The following ARHGAP20 variants were observed in gnomAD, a reference collection of about 807,000 sequenced individuals.
The protein encoded by ARHGAP20 is rho GTPase-activating protein 20.
In ARHGAP20, 34 loss-of-function variants were observed where a neutral mutation model predicts 73.7. That is an observed-to-expected ratio of 0.46 (90% confidence interval 0.35 to 0.61). The LOEUF is 0.61. Ranked by LOEUF, ARHGAP20 falls within the 20% of genes least tolerant of loss-of-function variation. The probability of loss-of-function intolerance (pLI) is 0.00; values close to 1 mark genes in which losing one functional copy is unlikely to be tolerated. For missense variants in ARHGAP20, 1,314 were observed against 1,420.9 expected, an observed-to-expected ratio of 0.92 and a Z score of 1.21; for synonymous variants, 523 against 518.2, an observed-to-expected ratio of 1.01 and a Z score of -0.13.
At chr11:110,592,846 G>A (rs930165351) in intron 9 of ARHGAP20, among the ~76,000 whole-genome samples, 9 of 152,240 alleles carry the variant, frequency 5.9e-5, no homozygotes, top group Middle Eastern at 3.4e-3. Flanking sequence ...AGACTTTTAT[G>A]TTTCTTTTCA....
intron 2 of ARHGAP20, among the ~76,000 whole-genome samples, chr11:110,684,507 T>C (rs1185667706): frequency 2.0e-5 from 3 of 152,128 alleles, no homozygotes; most frequent in Admixed American, 1.3e-4. Flanking sequence ...AAAAATAGTA[T>C]GGCAAATTTT....
At chr11:110,682,715 T>C (rs80355113) in intron 2 of ARHGAP20, among the ~76,000 whole-genome samples, 2,581 of 152,260 alleles carry the variant, frequency 0.017, 54 homozygotes, top group African/African-American at 0.046. Flanking sequence ...AAAAATTATA[T>C]ATCTATACAT....
intron 3 of ARHGAP20, among the ~76,000 whole-genome samples, chr11:110,630,280 C>A (rs1225320347): frequency 6.6e-6 from 1 of 152,124 alleles, no homozygotes; most frequent in Non-Finnish European, 1.5e-5. Context: ...ACCCTATTTT[C>A]TTCATAGTAC....
chr11:110,628,840 G>T (rs918139245), intron 3 of ARHGAP20, among the ~76,000 whole-genome samples: 1 of 152,050 alleles, frequency 6.6e-6, no homozygotes, highest in Non-Finnish European at 1.5e-5. Context: ...CAGACAATGG[G>T]TACACATTTT....
chr11:110,614,553 A>G lies in ARHGAP20; in HGVS notation c.630+8T>C. 1 of 1,609,556 alleles carries G rather than the reference A, an allele frequency of 6.2e-7. No individual in the cohort carries two copies. Among genetic ancestry groups the G allele is most frequent in the Non-Finnish European group, 8.5e-7 (1 of 1,176,184 alleles). ...TGGAATTTAATTTTCTGGCTTAGAA[A>G]CACTTACGTAGGCACAATTCCCAAT... On this transcript the variant is annotated splice_region_variant and intron_variant, in intron 6 of 14. Transcript: ENST00000683387.
chr11:110,596,583 A>G (rs1000492332), intron 9 of ARHGAP20, among the ~76,000 whole-genome samples: 14 of 152,194 alleles, frequency 9.2e-5, no homozygotes, highest in African/African-American at 3.4e-4. Flanking sequence ...AATCAAAACC[A>G]CAATGAGATA....
chr11:110,712,833 A>T (rs1950702098), upstream of ARHGAP20: 1 of 152,526 alleles, frequency 6.6e-6, no homozygotes, highest in South Asian at 2.1e-4. Flanking sequence ...TGGCGACCTC[A>T]GCCTGAGCAG....
intron 2 of ARHGAP20, among the ~76,000 whole-genome samples, chr11:110,637,450 A>C (rs1948991607): frequency 1.3e-5 from 2 of 152,116 alleles, no homozygotes; most frequent in African/African-American, 4.8e-5. Context: ...TTCTACCATG[A>C]AAACTTTTTA....
intron 1 of ARHGAP20, 43 bp downstream of exon 1, chr11:110,712,084 G>C (rs751436092): frequency 1.6e-6 from 2 of 1,263,250 alleles, no homozygotes; most frequent in Non-Finnish European, 2.0e-6. Flanking sequence ...GGCAGTGGGG[G>C]CTGCGGCGGC....
chr11:110,600,418 T>C (rs947922998), intron 9 of ARHGAP20, among the ~76,000 whole-genome samples: 8 of 152,196 alleles, frequency 5.3e-5, no homozygotes, highest in Non-Finnish European at 8.8e-5. Flanking sequence ...CCAGCACCCA[T>C]GCAGGCACGT....
intron 9 of ARHGAP20, among the ~76,000 whole-genome samples, chr11:110,600,083 C>A: frequency 6.6e-6 from 1 of 152,236 alleles, no homozygotes; most frequent in East Asian, 1.9e-4. Context: ...ATCTTGCTAA[C>A]CCTTCACTTG....
chr11:110,634,777 A>G (rs1420008237), intron 2 of ARHGAP20, among the ~76,000 whole-genome samples: 1 of 152,126 alleles, frequency 6.6e-6, no homozygotes, highest in Non-Finnish European at 1.5e-5. Flanking sequence ...ATGAGAGGGA[A>G]ATGGATAATG....
chr11:110,599,956 A>G (rs1200512650), intron 9 of ARHGAP20, among the ~76,000 whole-genome samples: 1 of 152,182 alleles, frequency 6.6e-6, no homozygotes, highest in Non-Finnish European at 1.5e-5. Context: ...GCCTGCAGAG[A>G]GGAGCTACCC....
At chr11:110,675,892 T>C (rs1025781274) in intron 2 of ARHGAP20, among the ~76,000 whole-genome samples, 11 of 152,216 alleles carry the variant, frequency 7.2e-5, no homozygotes, top group Non-Finnish European at 1.5e-4. Context: ...TCAAGAAATT[T>C]ACTTCTGACA....
chr11:110,655,408 T>C (rs1018946601), intron 2 of ARHGAP20, among the ~76,000 whole-genome samples: 1 of 152,130 alleles, frequency 6.6e-6, no homozygotes, highest in Non-Finnish European at 1.5e-5. Context: ...AGAGGAAGCA[T>C]GAGAGACCTA....
At chr11:110,689,887 C>T (rs1297671977) in intron 2 of ARHGAP20, among the ~76,000 whole-genome samples, 1 of 151,868 alleles carries the variant, frequency 6.6e-6, no homozygotes, top group Non-Finnish European at 1.5e-5. Flanking sequence ...CCTGCTTGGC[C>T]CTCTTTCAAG....
chr11:110,612,441 AAAAC>A lies in ARHGAP20; in HGVS notation c.631-1059_631-1056del, dbSNP rs376969231. On this transcript the variant is annotated intron_variant, in intron 6 of 14. Coordinates refer to ENST00000683387, the MANE Select transcript of ARHGAP20 (RefSeq NM_001384657.1). ...AGACTCCATCTCAAAAAAAAAACAA[AAAAC>A]AAACAAACAAACAAAAAGAGTTAAC... Among the ~76,000 whole-genome samples, 1,121 of 152,036 alleles carry A rather than the reference AAAAC, an allele frequency of 7.4e-3. 17 individuals carry two copies. Among genetic ancestry groups the A allele is most frequent in the African/African-American group, 0.026 (1,069 of 41,474 alleles).
intron 1 of ARHGAP20, chr11:110,711,643 A>G: frequency 6.8e-7 from 1 of 1,477,740 alleles, no homozygotes; most frequent in Non-Finnish European, 8.9e-7. Flanking sequence ...CCAGCGCCGC[A>G]GCCCCGCTGC....
rs142630228 is a variant in ARHGAP20, at chr11:110,579,325, A to G, written c.*45T>C. The G allele has an allele frequency of 6.6e-7, 1 of 1,524,218 alleles. No homozygotes were observed. The highest frequency in any genetic ancestry group is 8.8e-7 in the Non-Finnish European group (1 of 1,134,074). The allele number at this position is 1,524,218 out of a possible 1,614,324, so 94.4% of individuals were successfully genotyped here. On this transcript the variant is annotated 3_prime_UTR_variant, in exon 15 of 15. Transcript: ENST00000683387. ...GTCATAATAATTATTGTCTATTATTATTAACCCAGTTCCTGTTCTTGTGGA... is the reference window on the plus strand; with the variant it reads ...GTCATAATAATTATTGTCTATTATTGTTAACCCAGTTCCTGTTCTTGTGGA...
Sources: gnomAD v4.1 joint callset for allele counts (sites outside exome capture counted in the v4.1 genomes callset) on GRCh38, gnomAD v4.1.1 for gene constraint, MANE v1.5 for transcripts, NCBI Gene and HGNC (gene_info 2026-07-23, HGNC 2026-07-21) for gene names.